CAPN8: variants seen among roughly 807,000 people sequenced by gnomAD.
CAPN8 encodes the protein calpain 8.
Under a neutral mutation model 80.9 loss-of-function variants are expected in CAPN8, and 87 were observed. That is an observed-to-expected ratio of 1.07 (90% CI 0.90 to 1.28). The LOEUF (loss-of-function observed/expected upper bound fraction) is 1.28, where lower values mean the gene tolerates loss of function less well. Ranked by LOEUF, CAPN8 falls within the 50% of genes most tolerant of loss-of-function variation. The pLI is 0.00. For synonymous variants in CAPN8, 299 were observed against 273.8 expected (o/e 1.09, Z -0.91); for missense variants, 757 against 702.0 (o/e 1.08, Z -0.89).
chr1:223,617,212 A>G (rs1288486357), intron 9 of CAPN8: 1 of 148,026 alleles, frequency 6.8e-6, no homozygotes, highest in Non-Finnish European at 1.5e-5. Flanking sequence ...ATTGATTATC[A>G]CTTTTCTTTA....
At chr1:223,546,166 A>T (rs780717990) in intron 16 of CAPN8, among the ~76,000 whole-genome samples, 3 of 151,928 alleles carry the variant, frequency 2.0e-5, no homozygotes, top group Non-Finnish European at 2.9e-5. Context: ...TTATGCTCCT[A>T]AAGTTAAGTT....
At chr1:223,658,217 C>T (rs1226800015) in intron 1 of CAPN8, among the ~76,000 whole-genome samples, 1 of 152,152 alleles carries the variant, frequency 6.6e-6, no homozygotes, top group Non-Finnish European at 1.5e-5. Context: ...TCTTCAATTA[C>T]CTGTGTCACA....
chr1:223,549,445 T>G, intron 15 of CAPN8, 63 bp from the exon 16 acceptor site: 1 of 1,548,902 alleles, frequency 6.5e-7, no homozygotes, highest in Non-Finnish European at 8.7e-7. Context: ...GGAAAGAACC[T>G]CCACGGTAGA....
intron 2 of CAPN8, among the ~76,000 whole-genome samples, chr1:223,641,018 A>G (rs914052783): frequency 4.6e-5 from 7 of 152,242 alleles, no homozygotes; most frequent in Admixed American, 3.9e-4. Context: ...GCAGCTGAGG[A>G]AGGAAAACTG....
chr1:223,642,408 C>T (rs1658067191), intron 2 of CAPN8, among the ~76,000 whole-genome samples: 1 of 152,190 alleles, frequency 6.6e-6, no homozygotes, highest in Non-Finnish European at 1.5e-5. Context: ...TTCTGCTGCC[C>T]CCCATAGGTT....
chr1:223,614,603 G>A (rs561067094), intron 10 of CAPN8, among the ~76,000 whole-genome samples: 1 of 152,316 alleles, frequency 6.6e-6, no homozygotes, highest in East Asian at 1.9e-4. Context: ...AAGCTGAGGT[G>A]AACCCAGCCC....
chr1:223,614,391 G>T (rs35250293), intron 10 of CAPN8, among the ~76,000 whole-genome samples: 1 of 149,856 alleles, frequency 6.7e-6, no homozygotes. Context: ...CATAGTGAGA[G>T]TCCGTCTCAA....
At chr1:223,610,531 C>T (rs1301734141) in intron 11 of CAPN8, among the ~76,000 whole-genome samples, 2 of 152,138 alleles carry the variant, frequency 1.3e-5, no homozygotes, top group African/African-American at 4.8e-5. Flanking sequence ...AGGGAGGAGA[C>T]AGGGCACTGG....
At chr1:223,626,907 C>T in intron 5 of CAPN8, 82 bp downstream of exon 5, 1 of 1,438,956 alleles carries the variant, frequency 6.9e-7, no homozygotes, top group South Asian at 1.3e-5. Context: ...CTAGGCCTCT[C>T]TCCCGCTGTC....
intron 2 of CAPN8, chr1:223,644,150 T>C (rs1658121505): frequency 5.6e-6 from 2 of 355,742 alleles, no homozygotes; most frequent in Non-Finnish European, 1.1e-5. Flanking sequence ...TTATCTCCTT[T>C]TAGCATGATC....
intron 10 of CAPN8, among the ~76,000 whole-genome samples, chr1:223,613,345 G>A (rs1259811807): frequency 1.3e-5 from 2 of 152,192 alleles, no homozygotes; most frequent in African/African-American, 4.8e-5. Flanking sequence ...CCATGCAGAG[G>A]CCTCACAAGT....
At chr1:223,662,174 G>A (rs554458945) in intron 1 of CAPN8, among the ~76,000 whole-genome samples, 15 of 152,252 alleles carry the variant, frequency 9.9e-5, no homozygotes, top group African/African-American at 1.9e-4. Flanking sequence ...AGGGCCAGGC[G>A]CAGTGGCTCA....
At chr1:223,612,378 T>C in intron 10 of CAPN8, 121 bp from the exon 11 acceptor site, 10 of 866,272 alleles carry the variant, frequency 1.2e-5, no homozygotes, top group Non-Finnish European at 1.5e-5. Context: ...TGAGGAGACA[T>C]TTGTGCTAAA....
At chr1:223,551,688 C>T (rs1308302383) in intron 14 of CAPN8, among the ~76,000 whole-genome samples, 1 of 152,236 alleles carries the variant, frequency 6.6e-6, no homozygotes, top group East Asian at 1.9e-4. Flanking sequence ...TCCTTAAATC[C>T]TCAGCACAAT....
chr1:223,545,989 ATTT>A (rs35357819), intron 16 of CAPN8, among the ~76,000 whole-genome samples: 3 of 111,418 alleles, frequency 2.7e-5, no homozygotes, highest in Admixed American at 9.3e-5. Flanking sequence ...TACTCCACTA[ATTT>A]TTTTTTTTTT....
rs900623853 is a variant in CAPN8, at chr1:223,627,129, C to T, written c.589G>A (p.Gly197Arg). 2.1e-5 allele frequency: 33 copies of T among 1,552,268 alleles called. No homozygotes were observed. The highest frequency in any genetic ancestry group is 3.9e-5 in the Admixed American group (2 of 50,992). ...KLNGCYEALA[G>R]GSTVEGFEDF... Reference sequence around the variant, plus strand: ...TCAAACCCCTCCACTGTGGAACCTCCAGCGAGAGCCTCATAACAACCATTA... The same window carrying T: ...TCAAACCCCTCCACTGTGGAACCTCTAGCGAGAGCCTCATAACAACCATTA... Residue 197 changes from glycine (G) to arginine (R), a missense_variant, in exon 5 of 21, where the codon GGA (glycine) becomes AGA (arginine). By Grantham distance (125) the Gly-to-Arg change is moderately radical. Transcript: ENST00000366872.
intron 11 of CAPN8, among the ~76,000 whole-genome samples, chr1:223,611,023 GC>G (rs35246472): frequency 6.6e-6 from 1 of 151,812 alleles, no homozygotes; most frequent in Non-Finnish European, 1.5e-5. Context: ...TGTCCTGAAG[GC>G]CCCCCGGCAC....
Position 223,619,451 on chromosome 1 carries a change from A to C in CAPN8, c.977T>G (p.Met326Arg). The C allele has an allele frequency of 4.5e-6, 7 of 1,551,560 alleles. No homozygotes were observed. The highest frequency in any genetic ancestry group is 1.7e-4 in the Middle Eastern group (1 of 5,992). ...DKKVEDGEFW[M>R]SLSDFVRQFS... ...CTGCCTCACGAAATCTGAAAGTGAC[A>C]TCCTGGGGCAGAGGCACCAGAGGGC... Residue 326 changes from methionine to arginine, a missense_variant and splice_region_variant, in exon 9 of 21, where the codon ATG becomes AGG. By Grantham distance (91) the Met-to-Arg change is moderately conservative (BLOSUM62 -1). Coordinates refer to ENST00000366872, the MANE Select transcript of CAPN8 (RefSeq NM_001143962.2).
intron 14 of CAPN8, among the ~76,000 whole-genome samples, chr1:223,552,165 G>C (rs1656803926): frequency 6.6e-6 from 1 of 152,162 alleles, no homozygotes; most frequent in Non-Finnish European, 1.5e-5. Flanking sequence ...CCAGGCCCTG[G>C]CAATTCTACT....
Sources: gnomAD v4.1 joint callset for allele counts (sites outside exome capture counted in the v4.1 genomes callset) on GRCh38, gnomAD v4.1.1 for gene constraint, MANE v1.5 for transcripts, NCBI Gene and HGNC (gene_info 2026-07-23, HGNC 2026-07-21) for gene names.